Variants in C9 observed in about 807,000 individuals in gnomAD.
C9 encodes complement C9.
Under a neutral mutation model 65.4 loss-of-function variants are expected in C9, and 63 were observed. The observed-to-expected ratio is 0.96, with a 90% CI of 0.79 to 1.19. The LOEUF is 1.19. Among genes scored for constraint, C9 ranks in the 50% most tolerant of loss-of-function variants. The pLI, the probability that C9 is intolerant of heterozygous loss-of-function variation, is 0.00. For missense variants in C9, 744 were observed against 670.1 expected (o/e 1.11, Z -1.22); for synonymous variants, 229 against 227.9 (o/e 1.00, Z -0.04).
At chr5:39,341,333 C>G (rs763004551) in intron 3 of C9, 40 bp from the exon 4 acceptor site, 11 of 1,609,068 alleles carry the variant, frequency 6.8e-6, no homozygotes, top group Non-Finnish European at 8.5e-6. Context: ...TATCTAATGT[C>G]AAATTTTCTC....
intron 1 of C9, among the ~76,000 whole-genome samples, chr5:39,357,497 C>T (rs1045114166): frequency 1.1e-4 from 17 of 152,142 alleles, no homozygotes; most frequent in Admixed American, 1.1e-3. Context: ...GTTCTAGTGG[C>T]TAAGGTTGCA....
intron 1 of C9, among the ~76,000 whole-genome samples, chr5:39,351,784 T>C (rs1223187978): frequency 2.0e-5 from 3 of 152,190 alleles, no homozygotes; most frequent in Non-Finnish European, 4.4e-5. Flanking sequence ...AACAAGTCTC[T>C]AGGAAGTTCC....
intron 9 of C9, among the ~76,000 whole-genome samples, chr5:39,305,786 A>C (rs953903747): frequency 3.3e-5 from 5 of 152,134 alleles, no homozygotes; most frequent in Non-Finnish European, 7.4e-5. Context: ...TCAAGATAGA[A>C]AAAGGAAAAA....
At chr5:39,344,885 G>C (rs906784440) in intron 1 of C9, among the ~76,000 whole-genome samples, 2 of 152,152 alleles carry the variant, frequency 1.3e-5, no homozygotes, top group Non-Finnish European at 2.9e-5. Context: ...TTAAAGAAAA[G>C]AATTTTCAAC....
At chr5:39,333,566 CTCTCCCTCTCCCTCTCCG>C (rs1357244613) in intron 4 of C9, among the ~76,000 whole-genome samples, 3 of 148,990 alleles carry the variant, frequency 2.0e-5, no homozygotes, top group Non-Finnish European at 4.5e-5. Context: ...CTCCCTCTCC[CTCTCCCTCTCCCTCTCCG>C]TCTCCCTCTC....
chr5:39,359,069 T>TA (rs1362061949), intron 1 of C9, among the ~76,000 whole-genome samples: 1 of 131,360 alleles, frequency 7.6e-6, no homozygotes, highest in African/African-American at 2.8e-5. Flanking sequence ...TGTATATATA[T>TA]ATGTGTGTGT....
intron 5 of C9, among the ~76,000 whole-genome samples, chr5:39,328,819 G>A (rs1378820084): frequency 1.3e-5 from 2 of 152,124 alleles, no homozygotes; most frequent in African/African-American, 2.4e-5. Flanking sequence ...CAAAGTTCTG[G>A]TAAAGACAAA....
At chr5:39,327,631 T>C (rs1753771513) in intron 5 of C9, among the ~76,000 whole-genome samples, 1 of 152,174 alleles carries the variant, frequency 6.6e-6, no homozygotes, top group Non-Finnish European at 1.5e-5. Flanking sequence ...TGTAGGTATG[T>C]TGACTCTGTG....
chr5:39,334,760 G>A lies in C9; in HGVS notation c.477-2946C>T, dbSNP rs1345200188. On this transcript the variant is annotated intron_variant, in intron 4 of 10. Coordinates refer to ENST00000263408, the MANE Select transcript of C9 (RefSeq NM_001737.5). The stretch of plus-strand genomic sequence containing the variant: ...AGGTGAGGGGCGCCTCTGCCCGGCC[G>A]CCCCTACTGGGAAGTGAGGAGCCCC... Among the ~76,000 whole-genome samples, 8 of 149,940 alleles carry A rather than the reference G, an allele frequency of 5.3e-5. 1 individual carries two copies. The highest frequency in any genetic ancestry group is 1.5e-4 in the African/African-American group (6 of 40,504).
intron 9 of C9, among the ~76,000 whole-genome samples, chr5:39,304,963 T>C (rs188628418): frequency 8.5e-5 from 13 of 152,282 alleles, no homozygotes; most frequent in Non-Finnish European, 1.9e-4. Flanking sequence ...TGCTGAACTA[T>C]TATTAAGACC....
intron 1 of C9, among the ~76,000 whole-genome samples, chr5:39,354,618 T>C (rs1301425877): frequency 6.6e-6 from 1 of 152,172 alleles, no homozygotes; most frequent in Non-Finnish European, 1.5e-5. Context: ...CCTTTCTGAG[T>C]ACCTACTATG....
At chr5:39,359,102 G>GTATATATATATATATATATATATATA (rs1157807681) in intron 1 of C9, among the ~76,000 whole-genome samples, 4 of 103,664 alleles carry the variant, frequency 3.9e-5, no homozygotes, top group South Asian at 3.1e-4. Flanking sequence ...GTGTGTGTGT[G>GTATATATATATATATATATATATATA]TATATATATA....
intron 9 of C9, among the ~76,000 whole-genome samples, chr5:39,302,243 A>G (rs1306321970): frequency 3.3e-5 from 5 of 152,142 alleles, no homozygotes; most frequent in Admixed American, 2.6e-4. Flanking sequence ...ATGAACTTTT[A>G]TCTTCTATTA....
At chr5:39,359,012 TAAA>T (rs1182613709) in intron 1 of C9, among the ~76,000 whole-genome samples, 650 of 28,126 alleles carry the variant, frequency 0.023, 3 homozygotes, top group African/African-American at 0.1. Context: ...AATAAATAAA[TAAA>T]AAATATATAT....
intron 5 of C9, among the ~76,000 whole-genome samples, chr5:39,325,832 T>A (rs1345183049): frequency 6.6e-6 from 1 of 152,006 alleles, no homozygotes; most frequent in East Asian, 1.9e-4. Context: ...CCTAGATCTC[T>A]TTTTACAATT....
chr5:39,357,876 G>T (rs891457176), intron 1 of C9, among the ~76,000 whole-genome samples: 2 of 152,168 alleles, frequency 1.3e-5, no homozygotes, highest in African/African-American at 4.8e-5. Context: ...GTTACAAAAG[G>T]CCATGCAAAT....
At chr5:39,333,456 T>TATCCCAGTG (rs1000071635) in intron 4 of C9, among the ~76,000 whole-genome samples, 45 of 152,318 alleles carry the variant, frequency 3.0e-4, no homozygotes, top group African/African-American at 1.1e-3. Context: ...TCAACCTGGC[T>TATCCCAGTG]ATCCCAGTGA....
At chr5:39,343,293 A>G (rs10067337) in intron 1 of C9, among the ~76,000 whole-genome samples, 75,165 of 151,940 alleles carry the variant, frequency 0.49, 19,932 homozygotes, top group Middle Eastern at 0.6. Flanking sequence ...GGAAGGGGTG[A>G]CAGACAGCAC....
At chr5:39,294,174 C>T (rs1753145362) in intron 9 of C9, among the ~76,000 whole-genome samples, 1 of 151,328 alleles carries the variant, frequency 6.6e-6, no homozygotes, top group South Asian at 2.1e-4. Flanking sequence ...CAACCCAAAC[C>T]CCAAAATAGT....
Sources: allele counts gnomAD v4.1 joint callset (sites outside exome capture counted in the v4.1 genomes callset), GRCh38; gene constraint gnomAD v4.1.1; transcripts MANE v1.5; gene names NCBI Gene and HGNC (gene_info 2026-07-23, HGNC 2026-07-21).